ZDHHC11: variants seen among roughly 807,000 people sequenced by gnomAD.
ZDHHC11 encodes zDHHC palmitoyltransferase 11, also known as palmitoyltransferase ZDHHC11.
Under a neutral mutation model 51.3 loss-of-function variants are expected in ZDHHC11, and 44 were observed. The ratio of observed to expected loss-of-function variants is 0.86; its 90% CI spans 0.67 to 1.10. The LOEUF is 1.10. ZDHHC11 is among the 50% of genes least tolerant of loss of function. The pLI, the probability that ZDHHC11 is intolerant of heterozygous loss-of-function variation, is 0.00. For synonymous variants in ZDHHC11, 163 were observed against 222.0 expected (o/e 0.73, Z 2.36); for missense variants, 400 against 537.7 (o/e 0.74, Z 2.53).
chr5:819,069 C>G (rs112874466), intron 10 of ZDHHC11, among the ~76,000 whole-genome samples: 1 of 151,564 alleles, frequency 6.6e-6, no homozygotes, highest in East Asian at 1.9e-4. Flanking sequence ...CACATACGTG[C>G]ACATGTGACC....
chr5:841,527 G>A lies in ZDHHC11; in HGVS notation c.629-877C>T, dbSNP rs201298574. Reference sequence around the variant, plus strand: ...CTTCCTTATTTAGTGCCAGGGTCACGGTGCCCACCCCTTCCTAAGTGCCGG... The same window carrying A: ...CTTCCTTATTTAGTGCCAGGGTCACAGTGCCCACCCCTTCCTAAGTGCCGG... On this transcript the variant is annotated intron_variant, in intron 4 of 12. Coordinates refer to ENST00000283441, the MANE Select transcript of ZDHHC11 (RefSeq NM_024786.3). The A allele has an allele frequency of 6.3e-4, 601 of 961,310 alleles. No individual in the cohort carries two copies. In the East Asian group the frequency reaches 0.058, roughly 92 times the overall value. The allele number at this position is 961,310 out of a possible 1,614,324, so 59.5% of individuals were successfully genotyped here.
At chr5:860,171 G>C (rs1200258098), upstream of ZDHHC11, among the ~76,000 whole-genome samples, 1 of 152,304 alleles carries the variant, frequency 6.6e-6, no homozygotes, top group East Asian at 1.9e-4. The surrounding 1 kb of genome is among the most constrained non-coding windows in gnomAD (Gnocchi z 4.2). Flanking sequence ...GGACGACATG[G>C]GGGGAAGGGG....
At chr5:854,068 C>G (rs1747742348), upstream of ZDHHC11, among the ~76,000 whole-genome samples, 1 of 150,550 alleles carries the variant, frequency 6.6e-6, no homozygotes, top group East Asian at 2.0e-4. Context: ...GGGACAGACC[C>G]CACCGAGGAC....
intron 7 of ZDHHC11, among the ~76,000 whole-genome samples, chr5:828,935 A>G (rs1742703690): frequency 7.6e-6 from 1 of 131,170 alleles, no homozygotes; most frequent in South Asian, 2.6e-4. Context: ...GGGAAATTTA[A>G]AAGTTCTTCA....
intron 6 of ZDHHC11, among the ~76,000 whole-genome samples, chr5:834,721 G>T (rs1244057278): frequency 6.6e-6 from 1 of 152,300 alleles, no homozygotes; most frequent in African/African-American, 2.4e-5. Flanking sequence ...CCCTGGTCAA[G>T]CAAGTATGTC....
intron 10 of ZDHHC11, chr5:816,784 GC>G: frequency 2.1e-6 from 1 of 481,572 alleles, no homozygotes; most frequent in Non-Finnish European, 4.1e-6. Flanking sequence ...GGATTCTGAT[GC>G]TATTTGGGAG....
Position 836,552 on chromosome 5 carries a change from G to C in ZDHHC11, c.900+813C>G, listed in dbSNP as rs139387466. On this transcript the variant is annotated intron_variant, in intron 6 of 12. Coordinates refer to ENST00000283441, the MANE Select transcript of ZDHHC11 (RefSeq NM_024786.3). The stretch of plus-strand genomic sequence containing the variant: ...CCTTCTCTGTTTTCTGAAAGAGTCT[G>C]TGTGTAGGTTGTATTGTATTTTTTC... Among the ~76,000 whole-genome samples the C allele has an allele frequency of 3.9e-3, 587 of 149,914 alleles. 26 individuals carry two copies. In the East Asian group the frequency reaches 0.059, roughly 15 times the overall value.
In ZDHHC11 at chr5:858,258, C is replaced by CTCATCCTGTCTTTATGACA. The variant is rs1250383233; in HGVS notation, c.-1+615_-1+616insTGTCATAAAGACAGGATGA. Among the ~76,000 whole-genome samples, 231 of 151,786 alleles carry CTCATCCTGTCTTTATGACA rather than the reference C, an allele frequency of 1.5e-3. 3 individuals carry two copies. Among genetic ancestry groups the CTCATCCTGTCTTTATGACA allele is most frequent in the African/African-American group, 5.4e-3 (223 of 41,326 alleles). ...CAGATCCCCAGAGTCTGTCCTGGTC[C>CTCATCCTGTCTTTATGACA]CCATCCTGTCTTTATGACACCAGGC... is the stretch of plus-strand genomic sequence containing the variant. On this transcript the variant is annotated intron_variant, in intron 1 of 3. Transcript: ENST00000685990.
At chr5:853,097 GA>G (rs1393148257), upstream of ZDHHC11, among the ~76,000 whole-genome samples, 7 of 146,908 alleles carry the variant, frequency 4.8e-5, no homozygotes, top group Admixed American at 6.7e-5. Flanking sequence ...CGAGCCAGGG[GA>G]CACAGGCCCC....
chr5:805,008 T>C (rs1163271564), intron 11 of ZDHHC11, among the ~76,000 whole-genome samples: 1 of 151,368 alleles, frequency 6.6e-6, no homozygotes, highest in Non-Finnish European at 1.5e-5. Flanking sequence ...TTCTATATAA[T>C]TTAAAAGTCA....
chr5:798,257 C>G (rs1444911622), intron 12 of ZDHHC11, among the ~76,000 whole-genome samples: 1 of 151,248 alleles, frequency 6.6e-6, no homozygotes, highest in Non-Finnish European at 1.5e-5. Flanking sequence ...TTCACAAATG[C>G]CCTCAGGGCA....
intron 11 of ZDHHC11, among the ~76,000 whole-genome samples, chr5:808,342 T>G (rs1432824114): frequency 6.6e-6 from 1 of 151,972 alleles, no homozygotes; most frequent in Non-Finnish European, 1.5e-5. Flanking sequence ...CTATGGTAGC[T>G]GCATCTGCCC....
chr5:840,702 C>G, intron 4 of ZDHHC11, 52 bp from the exon 5 acceptor site: 2 of 1,609,512 alleles, frequency 1.2e-6, no homozygotes, highest in Middle Eastern at 1.7e-4. Flanking sequence ...ACGGGTGCCA[C>G]ATCAGGTGGA....
At chr5:852,442 TG>T (rs1747365779), upstream of ZDHHC11, among the ~76,000 whole-genome samples, 1 of 152,196 alleles carries the variant, frequency 6.6e-6, no homozygotes, top group Non-Finnish European at 1.5e-5. Context: ...AAAGGATGAT[TG>T]GAAAAAGTAA....
upstream of ZDHHC11, among the ~76,000 whole-genome samples, chr5:852,788 A>G (rs1215838625): frequency 4.2e-5 from 6 of 144,268 alleles, no homozygotes; most frequent in Non-Finnish European, 6.0e-5. Flanking sequence ...AAGAGACCCC[A>G]CGGAGGACAG....
At chr5:859,781 A>C (rs1318987757), upstream of ZDHHC11, among the ~76,000 whole-genome samples, 1 of 152,168 alleles carries the variant, frequency 6.6e-6, no homozygotes, top group Admixed American at 6.5e-5. Context: ...GTGTTTAAGG[A>C]CATCCTCCCT....
In ZDHHC11 at chr5:837,378, T is replaced by G; in HGVS notation, c.887A>C (p.Lys296Thr). The G allele has an allele frequency of 6.2e-7, 1 of 1,613,680 alleles. No individual in the cohort carries two copies. Among genetic ancestry groups the G allele is most frequent in the Admixed American group, 1.7e-5 (1 of 60,002 alleles). The change falls in exon 6 of 13, where the codon AAA becomes ACA. Residue 296 changes from lysine (K) to threonine (T), a missense_variant. By Grantham distance (78) the Lys-to-Thr change is moderately conservative (BLOSUM62 -1). Coordinates refer to ENST00000283441, the MANE Select transcript of ZDHHC11 (RefSeq NM_024786.3). ...GACAGGTGGTACCTGGAGAACTCCT[T>G]TGTCCATTTGCACGTATGGATCTTT... ...VRKDPYVQMD[K>T]GVLQQGAGAL...
intron 1 of ZDHHC11, 108 bp downstream of exon 1, chr5:850,273 G>A: frequency 7.7e-7 from 1 of 1,291,278 alleles, no homozygotes; most frequent in Non-Finnish European, 1.1e-6. Flanking sequence ...GCCCAGGGCA[G>A]GTGACTGGTG....
chr5:831,191 T>C (rs540972940), intron 7 of ZDHHC11, among the ~76,000 whole-genome samples: 9 of 149,264 alleles, frequency 6.0e-5, no homozygotes, highest in Admixed American at 1.4e-4. Flanking sequence ...GCAGACTAAA[T>C]AGAACCCACG....
Sources: gnomAD v4.1 joint callset for allele counts (sites outside exome capture counted in the v4.1 genomes callset) on GRCh38, gnomAD v4.1.1 for gene constraint, Gnocchi (gnomAD v3.1) non-coding constraint, MANE v1.5 for transcripts, NCBI Gene and HGNC (gene_info 2026-07-23, HGNC 2026-07-21) for gene names.